The following SNTG1 variants were observed in gnomAD, a reference collection of about 807,000 sequenced individuals.
The protein encoded by SNTG1 is gamma-1-syntrophin.
SNTG1 carries 39 observed loss-of-function variants against 74.7 expected under a neutral mutation model. The ratio of observed to expected loss-of-function variants is 0.52; its 90% confidence interval spans 0.40 to 0.68. The LOEUF is 0.68. Among genes scored for constraint, SNTG1 ranks in the 30% least tolerant of loss-of-function variants. The pLI, the probability that SNTG1 is intolerant of heterozygous loss-of-function variation, is 0.00. For missense variants in SNTG1, 685 were observed against 609.5 expected (o/e 1.12, Z -1.30); for synonymous variants, 254 against 217.1 (o/e 1.17, Z -1.49).
chr8:50,019,020 T>G (rs967048254), intron 1 of SNTG1, among the ~76,000 whole-genome samples: 1 of 151,892 alleles, frequency 6.6e-6, no homozygotes, highest in Non-Finnish European at 1.5e-5. Flanking sequence ...AAAATAGAGA[T>G]AGAAAGTAGA....
intron 2 of SNTG1, among the ~76,000 whole-genome samples, chr8:50,280,243 C>T (rs1011619930): frequency 6.6e-6 from 1 of 152,126 alleles, no homozygotes; most frequent in Non-Finnish European, 1.5e-5. Context: ...GTTGAAGAGG[C>T]ATTTCTATGG....
chr8:50,588,347 C>T (rs1054691879), intron 12 of SNTG1, among the ~76,000 whole-genome samples: 1 of 152,042 alleles, frequency 6.6e-6, no homozygotes, highest in African/African-American at 2.4e-5. Context: ...GGAAAAATTT[C>T]TGAATACAAT....
At chr8:49,959,943 T>TA (rs1810529810) in intron 1 of SNTG1, among the ~76,000 whole-genome samples, 1 of 152,178 alleles carries the variant, frequency 6.6e-6, no homozygotes, top group Non-Finnish European at 1.5e-5. Flanking sequence ...TTTTGAGATT[T>TA]AAAAAACTGG....
chr8:50,081,443 T>C (rs1287937866), intron 1 of SNTG1, among the ~76,000 whole-genome samples: 1 of 152,156 alleles, frequency 6.6e-6, no homozygotes, highest in African/African-American at 2.4e-5. Flanking sequence ...CTTAAATCTA[T>C]AGGTTAAAAT....
intron 3 of SNTG1, among the ~76,000 whole-genome samples, chr8:50,398,793 T>A (rs1295681237): frequency 1.3e-5 from 2 of 151,992 alleles, no homozygotes; most frequent in Non-Finnish European, 2.9e-5. Flanking sequence ...TAGCTGGGTG[T>A]CATGGCAGGC....
At chr8:50,506,016 T>A (rs939018952) in intron 9 of SNTG1, among the ~76,000 whole-genome samples, 1 of 152,056 alleles carries the variant, frequency 6.6e-6, no homozygotes, top group African/African-American at 2.4e-5. Context: ...TTGTGTTGAG[T>A]CAATTTTTAT....
rs1281147351 is a variant in SNTG1, at chr8:50,104,435, A to G, written c.-102-68126A>G. ...CCCTTTATCATTTTTTATTGCGTCT[A>G]TTTTATTCTTCTCTCTTTTCTTCTT... On this transcript the variant is annotated intron_variant, in intron 1 of 18. Coordinates refer to ENST00000642720, the MANE Select transcript of SNTG1 (RefSeq NM_018967.5). Among the ~76,000 whole-genome samples the G allele has an allele frequency of 3.3e-5, 5 of 151,730 alleles. No individual in the cohort carries two copies. The South Asian group carries it at 6.2e-4, about 19-fold the overall frequency.
Position 50,704,700 on chromosome 8 carries a change from A to T in SNTG1, c.1139A>T (p.Gln380Leu). 3 of 1,614,154 alleles carry T rather than the reference A, an allele frequency of 1.9e-6. No homozygotes were observed. The highest frequency in any genetic ancestry group is 2.5e-6 in the Non-Finnish European group (3 of 1,180,020). ...FSVELESDLA[Q>L]WERAFQTATF... Reference sequence around the variant, plus strand: ...GTGGAGCTGGAAAGTGACCTCGCCCAGTGGGAAAGAGCCTTCCAGACAGCA... The same window carrying T: ...GTGGAGCTGGAAAGTGACCTCGCCCTGTGGGAAAGAGCCTTCCAGACAGCA... The change falls in exon 16 of 19, where the codon CAG becomes CTG. Residue 380 changes from glutamine to leucine, a missense_variant. Gln to Leu is a moderately radical substitution (Grantham distance 113). Coordinates refer to ENST00000642720, the MANE Select transcript of SNTG1 (RefSeq NM_018967.5).
chr8:49,949,709 A>G (rs184985814), intron 1 of SNTG1, among the ~76,000 whole-genome samples: 4 of 152,342 alleles, frequency 2.6e-5, no homozygotes, highest in Admixed American at 2.0e-4. Context: ...TTGTTTGCCT[A>G]AGATTGCCAT....
chr8:50,026,195 T>C (rs752573012), intron 1 of SNTG1, among the ~76,000 whole-genome samples: 8 of 152,222 alleles, frequency 5.3e-5, no homozygotes, highest in Non-Finnish European at 1.2e-4. Context: ...AGTTTCTAGA[T>C]TGAGTCCATG....
chr8:50,392,245 G>T (rs561934811), intron 2 of SNTG1, among the ~76,000 whole-genome samples: 134 of 152,308 alleles, frequency 8.8e-4, no homozygotes, highest in African/African-American at 3.1e-3. Context: ...GTAGCAAAAT[G>T]ATTGGATTGG....
chr8:50,467,539 T>C (rs71511993), intron 8 of SNTG1, among the ~76,000 whole-genome samples: 1 of 151,900 alleles, frequency 6.6e-6, no homozygotes, highest in Non-Finnish European at 1.5e-5. Context: ...TATTTCTTGG[T>C]GAGTTTCCTA....
chr8:50,426,565 A>G (rs1379840427), intron 4 of SNTG1, among the ~76,000 whole-genome samples: 1 of 151,924 alleles, frequency 6.6e-6, no homozygotes, highest in Non-Finnish European at 1.5e-5. Context: ...TTAAAAGTCA[A>G]AAAAATAAAA....
chr8:49,988,826 A>G lies in SNTG1; in HGVS notation c.-103+76595A>G, dbSNP rs556090599. The stretch of plus-strand genomic sequence containing the variant: ...TGCCTATATTTAAAGAACATTTCAA[A>G]TGAGTAACCTAGTCTTTTTCATTAA... On this transcript the variant is annotated intron_variant, in intron 1 of 18. Coordinates refer to ENST00000642720, the MANE Select transcript of SNTG1 (RefSeq NM_018967.5). Among the ~76,000 whole-genome samples the G allele has an allele frequency of 2.2e-4, 33 of 152,176 alleles. No individual in the cohort carries two copies. The South Asian group carries it at 6.8e-3, about 31-fold the overall frequency.
chr8:50,695,578 C>T (rs922141378), intron 15 of SNTG1, among the ~76,000 whole-genome samples: 8 of 151,480 alleles, frequency 5.3e-5, no homozygotes, highest in Non-Finnish European at 7.4e-5. Context: ...GCTTCTAGTG[C>T]GCCTATTACC....
chr8:50,179,299 G>C (rs772935971), intron 2 of SNTG1, among the ~76,000 whole-genome samples: 1 of 152,018 alleles, frequency 6.6e-6, no homozygotes, highest in African/African-American at 2.4e-5. Flanking sequence ...AGTCTTTCAG[G>C]GTCCCATATA....
chr8:50,725,984 C>T (rs2095499128), intron 17 of SNTG1, among the ~76,000 whole-genome samples: 1 of 152,200 alleles, frequency 6.6e-6, no homozygotes, highest in Non-Finnish European at 1.5e-5. Flanking sequence ...TGAACTTCTA[C>T]CTACTCTGTC....
At chr8:49,958,277 C>T (rs1810361676) in intron 1 of SNTG1, among the ~76,000 whole-genome samples, 1 of 152,096 alleles carries the variant, frequency 6.6e-6, no homozygotes, top group South Asian at 2.1e-4. Context: ...GAGGCACATA[C>T]CTGCGGACAG....
At chr8:50,396,885 G>T (rs1269427557) in intron 3 of SNTG1, among the ~76,000 whole-genome samples, 1 of 152,172 alleles carries the variant, frequency 6.6e-6, no homozygotes, top group African/African-American at 2.4e-5. Flanking sequence ...AAGTTTAAAT[G>T]TGAGAGAAGT....
Sources: gnomAD v4.1 joint callset for allele counts (sites outside exome capture counted in the v4.1 genomes callset) on GRCh38, gnomAD v4.1.1 for gene constraint, MANE v1.5 for transcripts, NCBI Gene and HGNC (gene_info 2026-07-23, HGNC 2026-07-21) for gene names.